The following IL10RB variants were observed in gnomAD, a reference collection of about 807,000 sequenced individuals.
IL10RB encodes interleukin 10 receptor subunit beta.
In IL10RB, 30 loss-of-function variants were observed where a neutral mutation model predicts 38.7. That is an observed-to-expected ratio of 0.78 (90% CI 0.58 to 1.05). The LOEUF is 1.05. IL10RB is among the 50% of genes least tolerant of loss of function. IL10RB has a pLI of 0.00. For synonymous variants in IL10RB, 142 were observed against 145.9 expected (o/e 0.97, Z 0.19); for missense variants, 328 against 397.1 (o/e 0.83, Z 1.48).
downstream of IL10RB, among the ~76,000 whole-genome samples, chr21:33,299,081 C>A (rs180860595): frequency 6.6e-6 from 1 of 152,146 alleles, no homozygotes; most frequent in Non-Finnish European, 1.5e-5. Context: ...TAAAACCAAC[C>A]GTATCTTGCC....
At chr21:33,288,368 C>G in intron 6 of IL10RB, 107 bp downstream of exon 6, 3 of 752,816 alleles carry the variant, frequency 4.0e-6, no homozygotes, top group Non-Finnish European at 6.8e-6. Context: ...CAGGAAAACA[C>G]ACACGCGCGC....
chr21:33,274,525 A>G (rs530395984), intron 2 of IL10RB, among the ~76,000 whole-genome samples: 2 of 152,314 alleles, frequency 1.3e-5, no homozygotes, highest in African/African-American at 4.8e-5. Flanking sequence ...TAACTCCTTG[A>G]CCCATGGGCT....
chr21:33,305,117 G>A (rs961108413), intron 1 of IL10RB, among the ~76,000 whole-genome samples: 2 of 152,028 alleles, frequency 1.3e-5, no homozygotes, highest in African/African-American at 4.8e-5. Flanking sequence ...AACTGTTTTT[G>A]TTGTTGTTGT....
chr21:33,276,818 G>A lies in IL10RB; in HGVS notation c.331+65G>A, dbSNP rs2285020. ...TCTTGCCTTGTTTTTTTCCACATTG[G>A]TTGGTCCATCAACAAGAATTCTTTG... On this transcript the variant is annotated intron_variant, in intron 3 of 6. Transcript: ENST00000290200. 0.41 allele frequency: 569,258 copies of A among 1,399,514 alleles called. 121,209 individuals carry two copies. The highest frequency in any genetic ancestry group is 0.44 in the Non-Finnish European group (437,136 of 987,222). The allele number at this position is 1,399,514 out of a possible 1,614,324, so 86.7% of individuals were successfully genotyped here. A position where few individuals can be genotyped will look rare whatever the true frequency, so the allele number is the denominator to read the frequency against.
chr21:33,297,161 C>T lies in IL10RB; in HGVS notation c.*804C>T, dbSNP rs1199616610. ...GCAGTACTTTGAATTTATTTTTCTA[C>T]CTATATATGTTTTATATGCTGCTGG... is the stretch of plus-strand genomic sequence containing the variant. On this transcript the variant is annotated 3_prime_UTR_variant, in exon 7 of 7. Transcript: ENST00000290200. 1 of 154,266 alleles carries T rather than the reference C, an allele frequency of 6.5e-6. No individual in the cohort carries two copies. Among genetic ancestry groups the T allele is most frequent in the Non-Finnish European group, 1.4e-5 (1 of 69,440 alleles). The allele number at this position is 154,266 out of a possible 1,614,324, so 9.6% of individuals were successfully genotyped here.
At chr21:33,302,645 G>A (rs911171133) in intron 1 of IL10RB, among the ~76,000 whole-genome samples, 6 of 152,248 alleles carry the variant, frequency 3.9e-5, no homozygotes, top group African/African-American at 9.6e-5. Flanking sequence ...GAGTGAACAG[G>A]AGGGTGTGGA....
intron 1 of IL10RB, among the ~76,000 whole-genome samples, chr21:33,307,825 C>A (rs2083002522): frequency 1.3e-5 from 2 of 152,132 alleles, no homozygotes; most frequent in South Asian, 4.1e-4. Context: ...TTCAATTCAA[C>A]AAATATTTTT....
intron 3 of IL10RB, 82 bp from the exon 4 acceptor site, chr21:33,279,670 G>T (rs1332521163): frequency 1.7e-6 from 2 of 1,192,592 alleles, no homozygotes; most frequent in African/African-American, 1.5e-5. Context: ...TGGACTAATT[G>T]TTCTGCATGG....
chr21:33,286,996 G>A (rs1298980490), intron 5 of IL10RB, among the ~76,000 whole-genome samples: 2 of 152,152 alleles, frequency 1.3e-5, no homozygotes, highest in East Asian at 1.9e-4. Flanking sequence ...TCTGTGAACC[G>A]GTGTTTATCA....
At chr21:33,289,442 T>G (rs1342731962) in intron 6 of IL10RB, among the ~76,000 whole-genome samples, 1 of 152,158 alleles carries the variant, frequency 6.6e-6, no homozygotes, top group Non-Finnish European at 1.5e-5. Context: ...CTTCCTCCGC[T>G]GCCCTGAGGG....
chr21:33,268,217 G>A (rs1001350840), intron 1 of IL10RB, 177 bp from the exon 2 acceptor site: 13 of 1,514,064 alleles, frequency 8.6e-6, no homozygotes, highest in African/African-American at 1.4e-5. Context: ...TTCTCCTCAC[G>A]GCTGTTCAAA....
intron 1 of IL10RB, among the ~76,000 whole-genome samples, chr21:33,302,671 G>A (rs2082988823): frequency 6.6e-6 from 1 of 152,200 alleles, no homozygotes; most frequent in Admixed American, 6.5e-5. Flanking sequence ...TGGGACAGCA[G>A]GTGTAGCCAA....
At chr21:33,290,275 G>A (rs980331979) in intron 6 of IL10RB, among the ~76,000 whole-genome samples, 2 of 151,944 alleles carry the variant, frequency 1.3e-5, no homozygotes, top group African/African-American at 2.4e-5. Flanking sequence ...GCAACAGAGC[G>A]AGACTCCATC....
At chr21:33,278,072 C>G (rs542460400) in intron 3 of IL10RB, among the ~76,000 whole-genome samples, 2 of 146,684 alleles carry the variant, frequency 1.4e-5, no homozygotes, top group Non-Finnish European at 3.0e-5. Context: ...AAAAAATTAG[C>G]CAGGCATGGT....
At chr21:33,303,895 C>A (rs2082992114) in intron 1 of IL10RB, among the ~76,000 whole-genome samples, 1 of 152,178 alleles carries the variant, frequency 6.6e-6, no homozygotes, top group South Asian at 2.1e-4. Flanking sequence ...TTAAGGAAGC[C>A]TGGTGTCTTC....
chr21:33,288,402 C>T, intron 6 of IL10RB, 141 bp downstream of exon 6: 1 of 636,700 alleles, frequency 1.6e-6, no homozygotes, highest in South Asian at 1.7e-5. Flanking sequence ...CACACACACA[C>T]ACAGACACGC....
At position 33,288,362 on chromosome 21, in the gene IL10RB, A is replaced by G; in HGVS notation, c.804+101A>G. 4 of 950,948 alleles carry G rather than the reference A, an allele frequency of 4.2e-6. No individual in the cohort carries two copies. The South Asian group carries it at 5.2e-5, about 12-fold the overall frequency. 58.9% of individuals were successfully genotyped at this position (950,948 alleles called of 1,614,324 possible). A position where few individuals can be genotyped will look rare whatever the true frequency, so the allele number is the denominator to read the frequency against. ...AATTCCAGACAACATGTTTTCCAGG[A>G]AAACACACACGCGCGCGCGCACACA... On this transcript the variant is annotated intron_variant, in intron 6 of 6. Coordinates refer to ENST00000290200, the MANE Select transcript of IL10RB (RefSeq NM_000628.5).
At chr21:33,282,779 AG>A (rs1989303216) in intron 4 of IL10RB, among the ~76,000 whole-genome samples, 1 of 152,216 alleles carries the variant, frequency 6.6e-6, no homozygotes, top group South Asian at 2.1e-4. Flanking sequence ...CAAACTCCTC[AG>A]TCCCCCAAAG....
In IL10RB at chr21:33,268,416, C is replaced by T. The variant is rs759657610; in HGVS notation, c.72C>T (p.Pro24=). ...LVSALGMVPP[P]ENVRMNSVNF... ...TAGCATTGGGAATGGTACCACCTCC[C>T]GAAAATGTCAGAATGAATTCTGTTA... The change falls in exon 2 of 7, where the codon CCC becomes CCT. Residue 24 remains proline, a synonymous_variant. Coordinates refer to ENST00000290200, the MANE Select transcript of IL10RB (RefSeq NM_000628.5). 23 of 1,613,738 alleles carry T rather than the reference C, an allele frequency of 1.4e-5. No homozygotes were observed. The highest frequency in any genetic ancestry group is 1.6e-4 in the Middle Eastern group (1 of 6,082).
Sources: allele counts gnomAD v4.1 joint callset (sites outside exome capture counted in the v4.1 genomes callset), GRCh38; gene constraint gnomAD v4.1.1; transcripts MANE v1.5; gene names NCBI Gene and HGNC (gene_info 2026-07-23, HGNC 2026-07-21).